The following AHCYL2 variants were observed in gnomAD, a reference collection of about 807,000 sequenced individuals.
AHCYL2 encodes adenosylhomocysteinase like 2, also known as S-adenosylhomocysteine hydrolase-like protein 2.
A neutral mutation model predicts 81.4 loss-of-function variants in AHCYL2; 28 were observed. The ratio of observed to expected loss-of-function variants is 0.34; its 90% CI spans 0.25 to 0.47. AHCYL2 has a LOEUF of 0.47. Ranked by LOEUF, AHCYL2 falls within the 20% of genes least tolerant of loss-of-function variation. The probability of loss-of-function intolerance (pLI) is 1.00; values close to 1 mark genes in which losing one functional copy is unlikely to be tolerated. For synonymous variants in AHCYL2, 272 were observed against 290.2 expected (o/e 0.94, Z 0.64); for missense variants, 551 against 785.1 (o/e 0.70, Z 3.56).
intron 1 of AHCYL2, among the ~76,000 whole-genome samples, chr7:129,331,767 G>A (rs1204636168): frequency 5.9e-5 from 9 of 152,094 alleles, no homozygotes; most frequent in Non-Finnish European, 1.0e-4. Flanking sequence ...TCTCGAACCC[G>A]GGAGGTGGAG....
At chr7:129,235,784 C>A (rs1410922887) in intron 1 of AHCYL2, among the ~76,000 whole-genome samples, 1 of 152,164 alleles carries the variant, frequency 6.6e-6, no homozygotes, top group African/African-American at 2.4e-5. Context: ...AGAGCTCTTT[C>A]TGTATCAGTA....
chr7:129,309,043 C>T (rs1276365074), intron 1 of AHCYL2, among the ~76,000 whole-genome samples: 1 of 150,982 alleles, frequency 6.6e-6, no homozygotes, highest in African/African-American at 2.4e-5. Context: ...ACCAGCCTGG[C>T]CAACATGGTG....
chr7:129,226,723 T>C (rs1280360847), intron 1 of AHCYL2, among the ~76,000 whole-genome samples: 1 of 152,226 alleles, frequency 6.6e-6, no homozygotes, highest in Non-Finnish European at 1.5e-5. Context: ...CTGTAATGCT[T>C]TAGACAATGT....
rs183486839 is a variant in AHCYL2 at position 129,272,663 on chromosome 7, C to T, written c.363+47224C>T. 1.2e-4 allele frequency among the ~76,000 whole-genome samples: 19 copies of T among 152,134 alleles called. No homozygotes were observed. In the East Asian group the frequency reaches 3.7e-3, roughly 29 times the overall value. On this transcript the variant is annotated intron_variant, in intron 1 of 16. Transcript: ENST00000325006. ...GTACTGCCACATGTGGTTACATAGA[C>T]CATAGAAAATGTATCTAATGACTTC...
intron 1 of AHCYL2, chr7:129,377,708 C>T (rs1420506692): frequency 1.9e-5 from 8 of 420,790 alleles, no homozygotes; most frequent in African/African-American, 4.1e-5. Flanking sequence ...ATTATACAAA[C>T]AGAGAAAACA....
In AHCYL2 at chr7:129,405,941, T is replaced by C; in HGVS notation, c.1206+42T>C. The stretch of plus-strand genomic sequence containing the variant: ...TGTTTATTAGGTGTTTTAAATGGAT[T>C]TTGTTGAAATATTCTGGAATTTTTT... On this transcript the variant is annotated intron_variant, in intron 9 of 16. Transcript: ENST00000325006. 1.9e-6 allele frequency: 3 copies of C among 1,585,040 alleles called. No homozygotes were observed. In the South Asian group the frequency reaches 3.4e-5, roughly 18 times the overall value.
intron 1 of AHCYL2, among the ~76,000 whole-genome samples, chr7:129,273,321 CTTTTTTTTT>C (rs35236990): frequency 7.9e-5 from 6 of 75,896 alleles, no homozygotes; most frequent in South Asian, 1.1e-3. Flanking sequence ...TTTGCTAAGA[CTTTTTTTTT>C]TTTTTTTTTT....
chr7:129,293,647 A>G (rs1054564574), intron 1 of AHCYL2, among the ~76,000 whole-genome samples: 2 of 152,192 alleles, frequency 1.3e-5, no homozygotes, highest in African/African-American at 4.8e-5. Context: ...CCCTAAAAAA[A>G]AAACCCCAAA....
At chr7:129,284,379 C>G (rs907495605) in intron 1 of AHCYL2, among the ~76,000 whole-genome samples, 1 of 152,088 alleles carries the variant, frequency 6.6e-6, no homozygotes, top group Non-Finnish European at 1.5e-5. Flanking sequence ...GGGCGGATCA[C>G]CTAAGGTCAG....
chr7:129,403,743 C>T (rs1054794538), intron 7 of AHCYL2, among the ~76,000 whole-genome samples: 7 of 151,380 alleles, frequency 4.6e-5, no homozygotes, highest in African/African-American at 1.5e-4. Context: ...CGCCTGTGGT[C>T]CCAGCTACTC....
At chr7:129,316,682 G>C (rs1482187300) in intron 1 of AHCYL2, among the ~76,000 whole-genome samples, 4 of 152,174 alleles carry the variant, frequency 2.6e-5, no homozygotes, top group Non-Finnish European at 5.9e-5. Context: ...CATAGTTCTT[G>C]AGGTTCTGAA....
intron 1 of AHCYL2, among the ~76,000 whole-genome samples, chr7:129,247,188 C>T (rs2150697734): frequency 6.6e-6 from 1 of 152,310 alleles, no homozygotes; most frequent in Admixed American, 6.5e-5. Context: ...TAGATTCCCA[C>T]CAGCAATGCA....
chr7:129,424,538 G>T (rs1207735092), intron 13 of AHCYL2, among the ~76,000 whole-genome samples: 1 of 152,176 alleles, frequency 6.6e-6, no homozygotes, highest in African/African-American at 2.4e-5. Context: ...AAGAAATGCC[G>T]ATCCTCAGAA....
chr7:129,393,174 T>C (rs1256545730), intron 4 of AHCYL2, among the ~76,000 whole-genome samples: 1 of 152,262 alleles, frequency 6.6e-6, no homozygotes, highest in Non-Finnish European at 1.5e-5. Context: ...CCCAGCACTT[T>C]GGGACGTCAA....
At chr7:129,423,803 CA>C (rs1797228674) in intron 13 of AHCYL2, among the ~76,000 whole-genome samples, 1 of 152,044 alleles carries the variant, frequency 6.6e-6, no homozygotes, top group African/African-American at 2.4e-5. Context: ...ACATTTTCCT[CA>C]CTTTATCTCA....
At chr7:129,382,696 G>A (rs551421898) in intron 2 of AHCYL2, among the ~76,000 whole-genome samples, 6 of 151,694 alleles carry the variant, frequency 4.0e-5, no homozygotes, top group South Asian at 2.1e-4. Flanking sequence ...ACCTGAGGCC[G>A]GGGGTTCGAG....
At position 129,406,455 on chromosome 7, in the gene AHCYL2, C is replaced by T. The variant is rs202036893; in HGVS notation, c.1284C>T (p.Ala428=). The change falls in exon 10 of 17, where the codon GCC becomes GCT. Residue 428 remains alanine, a synonymous_variant. Coordinates refer to ENST00000325006, the MANE Select transcript of AHCYL2 (RefSeq NM_015328.4). This position sits in a 1 kb window ranked among gnomAD's most constrained non-coding sequence, Gnocchi z 4.3. ...TAACTGAAATTGACCCCATCTGTGC[C>T]CTGCAAGCCTGGTAAGCCTCTACGC... ...VYVTEIDPIC[A]LQACMDGFRL... 41 of 1,613,912 alleles carry T rather than the reference C, an allele frequency of 2.5e-5. No homozygotes were observed. The highest frequency in any genetic ancestry group is 5.0e-5 in the Admixed American group (3 of 59,996).
chr7:129,284,863 A>G (rs897745841), intron 1 of AHCYL2, among the ~76,000 whole-genome samples: 1 of 152,228 alleles, frequency 6.6e-6, no homozygotes, highest in Non-Finnish European at 1.5e-5. Flanking sequence ...ATTAGTTTCT[A>G]GAGCTTTATT....
chr7:129,236,587 C>T (rs1338956563), intron 1 of AHCYL2, among the ~76,000 whole-genome samples: 1 of 151,464 alleles, frequency 6.6e-6, no homozygotes, highest in Non-Finnish European at 1.5e-5. Context: ...GCGATCTGCC[C>T]GCCTCAGCCT....
Sources: gnomAD v4.1 joint callset for allele counts (sites outside exome capture counted in the v4.1 genomes callset) on GRCh38, gnomAD v4.1.1 for gene constraint, Gnocchi (gnomAD v3.1) non-coding constraint, MANE v1.5 for transcripts, NCBI Gene and HGNC (gene_info 2026-07-23, HGNC 2026-07-21) for gene names.